VWA3A: variants seen among roughly 807,000 people sequenced by gnomAD.
VWA3A encodes von Willebrand factor A domain containing 3A, also known as von Willebrand factor A domain-containing protein 3A.
A neutral mutation model predicts 160.4 loss-of-function variants in VWA3A; 134 were observed. The ratio of observed to expected loss-of-function variants is 0.84; its 90% CI spans 0.73 to 0.96. VWA3A has a LOEUF of 0.96. Among genes scored for constraint, VWA3A ranks in the 40% least tolerant of loss-of-function variants. The probability of loss-of-function intolerance (pLI) is 0.00; values close to 1 mark genes in which losing one functional copy is unlikely to be tolerated. For missense variants in VWA3A, 1,310 were observed against 1,447.9 expected (o/e 0.90, Z 1.55); for synonymous variants, 476 against 543.4 (o/e 0.88, Z 1.72).
Position 22,126,292 on chromosome 16 carries a change from CA to C in VWA3A, c.1648del (p.Ile550SerfsTer17). On this transcript the variant is annotated frameshift_variant, in exon 17 of 34. Transcript: ENST00000389398. LOFTEE classifies it high-confidence loss of function. The stretch of plus-strand genomic sequence containing the variant: ...TATCCAACAAGGACTGTTTCAACCT[CA>C]TCGCGTATGTGTCTCCTGGCTCCTG... ...QLSNKDCFNL[I>X]AFGSTIESWR... The C allele has an allele frequency of 6.2e-7, 1 of 1,612,340 alleles. No individual in the cohort carries two copies. Among genetic ancestry groups the C allele is most frequent in the South Asian group, 1.1e-5 (1 of 90,920 alleles).
At chr16:22,112,699 G>C (rs974686218) in intron 8 of VWA3A, among the ~76,000 whole-genome samples, 1 of 152,148 alleles carries the variant, frequency 6.6e-6, no homozygotes, top group Non-Finnish European at 1.5e-5. Flanking sequence ...CTTCAGCCTG[G>C]GTGACAGAGA....
At chr16:22,137,764 G>C in intron 21 of VWA3A, among the ~76,000 whole-genome samples, 1 of 152,176 alleles carries the variant, frequency 6.6e-6, no homozygotes, top group Non-Finnish European at 1.5e-5. Flanking sequence ...TGCTGTTCCT[G>C]TTCCTCTGGG....
intron 1 of VWA3A, among the ~76,000 whole-genome samples, chr16:22,094,439 G>T (rs1027563715): frequency 4.6e-5 from 7 of 152,002 alleles, no homozygotes; most frequent in South Asian, 2.1e-4. Flanking sequence ...ACCATTATTA[G>T]GCTGTTTAAT....
At chr16:22,144,792 T>G (rs1368394406) in intron 26 of VWA3A, among the ~76,000 whole-genome samples, 1 of 151,916 alleles carries the variant, frequency 6.6e-6, no homozygotes, top group African/African-American at 2.4e-5. Flanking sequence ...TGTGTGCCTG[T>G]AGTCCGAGCT....
At chr16:22,147,158 G>C (rs144915576) in intron 27 of VWA3A, among the ~76,000 whole-genome samples, 3 of 152,278 alleles carry the variant, frequency 2.0e-5, no homozygotes, top group African/African-American at 7.2e-5. Context: ...AAGGACCTGA[G>C]ACTACAGGCA....
At chr16:22,104,738 T>C (rs2045457503) in intron 6 of VWA3A, among the ~76,000 whole-genome samples, 1 of 152,014 alleles carries the variant, frequency 6.6e-6, no homozygotes, top group African/African-American at 2.4e-5. Context: ...GGTAGAAGAG[T>C]GACCATGGGC....
chr16:22,140,071 T>A lies in VWA3A; in HGVS notation c.2293-83T>A. On this transcript the variant is annotated intron_variant, in intron 22 of 33. Coordinates refer to ENST00000389398, the MANE Select transcript of VWA3A (RefSeq NM_173615.5). ...GGCTCCTCCCTACAAAAGTTCCTGA[T>A]TGACAAATTGAGGTCAGGGTAACTG... 9 of 1,392,156 alleles carry A rather than the reference T, an allele frequency of 6.5e-6. No individual in the cohort carries two copies. In the South Asian group the frequency reaches 1.1e-4, roughly 17 times the overall value. 86.2% of individuals were successfully genotyped at this position (1,392,156 alleles called of 1,614,324 possible).
At chr16:22,107,099 C>G (rs2045493244) in intron 6 of VWA3A, among the ~76,000 whole-genome samples, 1 of 152,170 alleles carries the variant, frequency 6.6e-6, no homozygotes, top group South Asian at 2.1e-4. Flanking sequence ...CAAGAGAAAT[C>G]TGTTTGAAGA....
chr16:22,138,894 G>A (rs1364527924), intron 22 of VWA3A, among the ~76,000 whole-genome samples: 2 of 152,098 alleles, frequency 1.3e-5, no homozygotes, highest in Non-Finnish European at 2.9e-5. Context: ...CCAAGACTTT[G>A]CAGAGGCTGA....
chr16:22,118,848 C>G, intron 11 of VWA3A, 54 bp from the exon 12 acceptor site: 1 of 1,607,340 alleles, frequency 6.2e-7, no homozygotes, highest in East Asian at 2.2e-5. Flanking sequence ...CCTGGGTTGA[C>G]CCCTGCAGGT....
intron 8 of VWA3A, among the ~76,000 whole-genome samples, chr16:22,114,356 A>AG (rs2141883246): frequency 6.6e-6 from 1 of 152,360 alleles, no homozygotes; most frequent in African/African-American, 2.4e-5. Context: ...ATAGCCACAC[A>AG]GCCATAAAGC....
chr16:22,137,569 A>C (rs776727727), intron 21 of VWA3A, among the ~76,000 whole-genome samples: 3 of 152,232 alleles, frequency 2.0e-5, no homozygotes, highest in Non-Finnish European at 4.4e-5. Context: ...ATGCACAGAG[A>C]CACTGGGTTG....
intron 12 of VWA3A, among the ~76,000 whole-genome samples, chr16:22,120,181 T>G: frequency 6.6e-6 from 1 of 152,126 alleles, no homozygotes; most frequent in Non-Finnish European, 1.5e-5. Context: ...TTGCCTGAGA[T>G]TGCAAAGATA....
At chr16:22,097,080 C>T in intron 2 of VWA3A, 135 bp downstream of exon 2, 1 of 603,456 alleles carries the variant, frequency 1.7e-6, no homozygotes, top group Non-Finnish European at 2.9e-6. Flanking sequence ...ATTCCCCTGC[C>T]TCAGCCTCCC....
intron 21 of VWA3A, among the ~76,000 whole-genome samples, chr16:22,134,975 G>A (rs2046014379): frequency 6.6e-6 from 1 of 152,190 alleles, no homozygotes; most frequent in Non-Finnish European, 1.5e-5. Context: ...CAGCACTTTG[G>A]GAGGCCAAGG....
intron 17 of VWA3A, among the ~76,000 whole-genome samples, chr16:22,128,232 C>T (rs977640840): frequency 6.6e-6 from 1 of 152,132 alleles, no homozygotes; most frequent in Non-Finnish European, 1.5e-5. Context: ...AAGCAAGGTA[C>T]AAATACAATC....
At chr16:22,139,953 A>G (rs1419088960) in intron 22 of VWA3A, among the ~76,000 whole-genome samples, 1 of 152,192 alleles carries the variant, frequency 6.6e-6, no homozygotes, top group Middle Eastern at 3.2e-3. Flanking sequence ...ACACACATGT[A>G]CACACCCATA....
At chr16:22,146,595 C>G (rs1292900205) in intron 27 of VWA3A, among the ~76,000 whole-genome samples, 1 of 152,014 alleles carries the variant, frequency 6.6e-6, no homozygotes, top group Non-Finnish European at 1.5e-5. Flanking sequence ...ACCAGCCTGG[C>G]CAACATGATG....
At chr16:22,094,141 C>T (rs2045279552) in intron 1 of VWA3A, among the ~76,000 whole-genome samples, 1 of 152,050 alleles carries the variant, frequency 6.6e-6, no homozygotes, top group African/African-American at 2.4e-5. Flanking sequence ...CTCCATCAGC[C>T]TGCACCAGTC....
Sources: gnomAD v4.1 joint callset for allele counts (sites outside exome capture counted in the v4.1 genomes callset) on GRCh38, gnomAD v4.1.1 for gene constraint, MANE v1.5 for transcripts, NCBI Gene and HGNC (gene_info 2026-07-23, HGNC 2026-07-21) for gene names.